Variants in CRTAM observed in about 807,000 individuals in gnomAD.
CRTAM encodes cytotoxic and regulatory T cell molecule.
In CRTAM, 44 loss-of-function variants were observed where a neutral mutation model predicts 50.0. The ratio of observed to expected loss-of-function variants is 0.88; its 90% CI spans 0.69 to 1.13. The LOEUF is 1.13. CRTAM is among the 50% of genes most tolerant of loss of function. The pLI is 0.00. For synonymous variants in CRTAM, 159 were observed against 169.3 expected (o/e 0.94, Z 0.47); for missense variants, 448 against 457.5 (o/e 0.98, Z 0.19).
chr11:122,847,983 G>A (rs1462839778), intron 1 of CRTAM, among the ~76,000 whole-genome samples: 3 of 152,232 alleles, frequency 2.0e-5, no homozygotes, highest in African/African-American at 7.2e-5. Flanking sequence ...TGCAGCAGCA[G>A]AGAGTTGGTC....
intron 3 of CRTAM, among the ~76,000 whole-genome samples, chr11:122,852,465 A>G (rs536534313): frequency 1.3e-5 from 2 of 152,316 alleles, no homozygotes; most frequent in South Asian, 4.1e-4. Context: ...TTTTTGTGGC[A>G]GAACAGATCG....
intron 5 of CRTAM, among the ~76,000 whole-genome samples, chr11:122,861,047 C>A (rs1489085890): frequency 6.6e-6 from 1 of 152,042 alleles, no homozygotes; most frequent in East Asian, 1.9e-4. Context: ...ACTAGCATTC[C>A]AGCTTTTCCC....
chr11:122,861,783 T>G (rs1045374583), intron 5 of CRTAM, among the ~76,000 whole-genome samples: 1 of 152,040 alleles, frequency 6.6e-6, no homozygotes, highest in Non-Finnish European at 1.5e-5. Context: ...GGCACAGTTA[T>G]TACATGCTTC....
Position 122,855,810 on chromosome 11 carries a change from C to G in CRTAM, c.606C>G (p.Gly202=), listed in dbSNP as rs1285237745. ...TGGACTGCATTATCCGACACAGAGG[C>G]CTGCAAGGGAGAAAACTAGTAGCAC... ...STVDCIIRHR[G]LQGRKLVAPF... Residue 202 remains glycine (G), a synonymous_variant, in exon 5 of 10, where the codon GGC becomes GGG. Transcript: ENST00000227348. The G allele has an allele frequency of 6.2e-7, 1 of 1,613,994 alleles. No individual in the cohort carries two copies. Among genetic ancestry groups the G allele is most frequent in the South Asian group, 1.1e-5 (1 of 91,068 alleles).
chr11:122,839,066 C>T (rs1217997712), intron 1 of CRTAM, among the ~76,000 whole-genome samples: 1 of 152,018 alleles, frequency 6.6e-6, no homozygotes, highest in Non-Finnish European at 1.5e-5. Context: ...GTAGCTGGGA[C>T]TACAGGTGCC....
rs182943766 is a variant in CRTAM, at chr11:122,845,610, G to T, written c.47-4458G>T. On this transcript the variant is annotated intron_variant, in intron 1 of 9. Coordinates refer to ENST00000227348, the MANE Select transcript of CRTAM (RefSeq NM_019604.4). ...TAATCTCAGGTACTCGGGAGGCTGA[G>T]GTAGGAGAATTGCTTGCAACTGGGA... Among the ~76,000 whole-genome samples the T allele has an allele frequency of 2.0e-3, 299 of 152,246 alleles. 2 individuals carry two copies. The highest frequency in any genetic ancestry group is 3.9e-3 in the South Asian group (19 of 4,826).
intron 1 of CRTAM, among the ~76,000 whole-genome samples, chr11:122,846,769 C>T (rs747046333): frequency 9.2e-5 from 14 of 152,160 alleles, no homozygotes; most frequent in Admixed American, 3.9e-4. Flanking sequence ...CTCCTCAAAA[C>T]CTTTAATCCT....
chr11:122,848,020 G>A (rs1252607170), intron 1 of CRTAM, among the ~76,000 whole-genome samples: 1 of 152,210 alleles, frequency 6.6e-6, no homozygotes, highest in African/African-American at 2.4e-5. Context: ...CAGCCACAGG[G>A]CTCTGGAATT....
At chr11:122,870,631 G>A (rs746851008) in intron 9 of CRTAM, among the ~76,000 whole-genome samples, 3 of 152,114 alleles carry the variant, frequency 2.0e-5, no homozygotes, top group Admixed American at 1.3e-4. Context: ...GATCTGCCCC[G>A]ACCCTATTTT....
rs748506893 is a variant in CRTAM, at chr11:122,867,573, C to T, written c.964+18C>T. 22 of 1,605,688 alleles carry T rather than the reference C, an allele frequency of 1.4e-5. No homozygotes were observed. The highest frequency in any genetic ancestry group is 2.7e-5 in the African/African-American group (2 of 74,514). ...GAAGAAAGGTCAGTGGGCAGGGAAC[C>T]TGACGGGGGCTATAAGACGCCAGAA... is the stretch of plus-strand genomic sequence containing the variant. On this transcript the variant is annotated intron_variant, in intron 8 of 9. Transcript: ENST00000227348.
At chr11:122,866,368 A>C (rs954762785) in intron 7 of CRTAM, among the ~76,000 whole-genome samples, 11 of 152,104 alleles carry the variant, frequency 7.2e-5, no homozygotes, top group African/African-American at 2.4e-4. Flanking sequence ...TGAACACACT[A>C]TGATATAAAT....
At chr11:122,862,823 G>A (rs891124978) in intron 6 of CRTAM, among the ~76,000 whole-genome samples, 1 of 152,142 alleles carries the variant, frequency 6.6e-6, no homozygotes, top group African/African-American at 2.4e-5. Flanking sequence ...ACACATTCAC[G>A]ACTGTGACAT....
chr11:122,855,610 A>G (rs887323289), intron 4 of CRTAM, 85 bp from the exon 5 acceptor site: 7 of 1,125,810 alleles, frequency 6.2e-6, no homozygotes, highest in Admixed American at 2.1e-5. Flanking sequence ...AATGTTTGCC[A>G]TGAAGTCAAG....
rs1388976202 is a variant in CRTAM, at chr11:122,871,716, A to C, written c.*317A>C. 1 of 177,660 alleles carries C rather than the reference A, an allele frequency of 5.6e-6. No homozygotes were observed. Among genetic ancestry groups the C allele is most frequent in the Admixed American group, 6.2e-5 (1 of 16,118 alleles). 11.0% of individuals were successfully genotyped at this position (177,660 alleles called of 1,614,324 possible). ...GCTAACATCCTACCTCAAATGGAAC[A>C]GGATTTTTTGATGCTTTGCTCTAAT... On this transcript the variant is annotated 3_prime_UTR_variant, in exon 10 of 10. Transcript: ENST00000227348.
chr11:122,866,563 GCAAGACTA>G (rs1862177891), intron 7 of CRTAM, among the ~76,000 whole-genome samples: 1 of 151,408 alleles, frequency 6.6e-6, no homozygotes, highest in African/African-American at 2.4e-5. Context: ...AGGACATTTA[GCAAGACTA>G]CAGCCCATAG....
chr11:122,868,783 C>T (rs1208845121), intron 9 of CRTAM, among the ~76,000 whole-genome samples: 4 of 152,024 alleles, frequency 2.6e-5, no homozygotes, highest in East Asian at 1.9e-4. Context: ...CCGAGGCGGG[C>T]GGATCACGAG....
At chr11:122,845,027 T>G (rs1187883504) in intron 1 of CRTAM, among the ~76,000 whole-genome samples, 1 of 152,164 alleles carries the variant, frequency 6.6e-6, no homozygotes, top group Non-Finnish European at 1.5e-5. Flanking sequence ...TGAGGCCAGA[T>G]GAGATGACCT....
At chr11:122,850,640 A>G (rs11218862) in intron 2 of CRTAM, among the ~76,000 whole-genome samples, 3,667 of 152,302 alleles carry the variant, frequency 0.024, 102 homozygotes, top group Admixed American at 0.077. Flanking sequence ...CCAAAGGCAC[A>G]TTACAAAGCT....
At chr11:122,855,901 T>C (rs1862000706) in intron 5 of CRTAM, 45 bp downstream of exon 5, 1 of 1,512,658 alleles carries the variant, frequency 6.6e-7, no homozygotes, top group African/African-American at 1.4e-5. Context: ...TGATTTACTT[T>C]AATATTACAC....
Sources: allele counts gnomAD v4.1 joint callset (sites outside exome capture counted in the v4.1 genomes callset), GRCh38; gene constraint gnomAD v4.1.1; transcripts MANE v1.5; gene names NCBI Gene and HGNC (gene_info 2026-07-23, HGNC 2026-07-21).